Variants in CRYGN observed in about 807,000 individuals in gnomAD.
CRYGN encodes gamma-crystallin N.
In CRYGN, 17 loss-of-function variants were observed where a neutral mutation model predicts 19.2. The ratio of observed to expected loss-of-function variants is 0.89; its 90% confidence interval spans 0.61 to 1.33. The LOEUF is 1.33. Among genes scored for constraint, CRYGN ranks in the 40% most tolerant of loss-of-function variants. CRYGN has a pLI of 0.00. For synonymous variants in CRYGN, 84 were observed against 85.8 expected (o/e 0.98, Z 0.12); for missense variants, 239 against 239.6 (o/e 1.00, Z 0.02).
intron 1 of CRYGN, 128 bp from the exon 2 acceptor site, chr7:151,438,372 G>A (rs1801676785): frequency 3.4e-6 from 3 of 881,784 alleles, no homozygotes; most frequent in Non-Finnish European, 5.1e-6. Flanking sequence ...CAGACCTGCT[G>A]CACACAGTAG....
chr7:151,433,731 A>T lies in CRYGN; in HGVS notation c.416+2449T>A, dbSNP rs1335062064. 5 of 154,794 alleles carry T rather than the reference A, an allele frequency of 3.2e-5. No individual in the cohort carries two copies. The highest frequency in any genetic ancestry group is 7.3e-5 in the Non-Finnish European group (5 of 68,286). The allele number at this position is 154,794 out of a possible 1,614,324, so 9.6% of individuals were successfully genotyped here. A position where few individuals can be genotyped will look rare whatever the true frequency, so the allele number is the denominator to read the frequency against. On this transcript the variant is annotated intron_variant, in intron 3 of 3. Transcript: ENST00000337323. The surrounding 1 kb of genome is among the most constrained non-coding windows in gnomAD (Gnocchi z 5.1). Reference sequence around the variant, plus strand: ...TGGTGGGCAAGAAATGCCCCAAGCCATGTCCTGGGCCACATGAGGGTTCTC... The same window carrying T: ...TGGTGGGCAAGAAATGCCCCAAGCCTTGTCCTGGGCCACATGAGGGTTCTC...
intron 3 of CRYGN, chr7:151,432,164 C>A: frequency 8.1e-7 from 1 of 1,230,536 alleles, no homozygotes; most frequent in Non-Finnish European, 1.0e-6. Context: ...AAGAAGTTGA[C>A]CACCTTGTGG....
Position 151,430,504 on chromosome 7 carries a change from G to A in CRYGN, c.417-324C>T, listed in dbSNP as rs1043623518. 6.6e-6 allele frequency among the ~76,000 whole-genome samples: 1 copy of A among 152,164 alleles called. No homozygotes were observed. Among genetic ancestry groups the A allele is most frequent in the East Asian group, 1.9e-4 (1 of 5,192 alleles). ...ATGGGGAGAGGTTGGAGGACACCCAGGAACGGGACAGCCATCCCCTGGCCC... is the reference window on the plus strand; with the variant it reads ...ATGGGGAGAGGTTGGAGGACACCCAAGAACGGGACAGCCATCCCCTGGCCC... On this transcript the variant is annotated intron_variant, in intron 3 of 3. Transcript: ENST00000337323. The surrounding 1 kb of genome is among the most constrained non-coding windows in gnomAD (Gnocchi z 5.2).
At chr7:151,437,251 G>A (rs1054900958) in intron 2 of CRYGN, among the ~76,000 whole-genome samples, 1 of 152,186 alleles carries the variant, frequency 6.6e-6, no homozygotes, top group Non-Finnish European at 1.5e-5. Context: ...CAGCCCAGGC[G>A]TCGGGGGAGG....
At chr7:151,440,202 G>A (rs918603488), upstream of CRYGN, 12 of 865,578 alleles carry the variant, frequency 1.4e-5, no homozygotes, top group African/African-American at 1.1e-4. Context: ...CCCCTGCCCT[G>A]CCCTGGAGTG....
upstream of CRYGN, chr7:151,440,215 G>A (rs74450697): frequency 2.9e-6 from 2 of 690,960 alleles, no homozygotes; most frequent in Non-Finnish European, 2.1e-6. Context: ...CTGGAGTGGT[G>A]GGGGGAGGAG....
chr7:151,429,897 G>A lies in CRYGN; in HGVS notation c.*151C>T. The A allele has an allele frequency of 1.5e-6, 1 of 682,036 alleles. No homozygotes were observed. The highest frequency in any genetic ancestry group is 2.5e-5 in the East Asian group (1 of 39,734). The allele number at this position is 682,036 out of a possible 1,614,324, so 42.2% of individuals were successfully genotyped here. A position where few individuals can be genotyped will look rare whatever the true frequency, so the allele number is the denominator to read the frequency against. On this transcript the variant is annotated 3_prime_UTR_variant, in exon 4 of 4. Transcript: ENST00000337323. ...AGACAGGGCCCTTGCCATGGGTGGG[G>A]AGGGCCTCCCGCTGGCAGATATGAC...
rs1801493846 is a variant in CRYGN at position 151,432,422 on chromosome 7, C to T, written c.417-2242G>A. On this transcript the variant is annotated intron_variant, in intron 3 of 3. Coordinates refer to ENST00000337323, the MANE Select transcript of CRYGN (RefSeq NM_144727.3). ...CTTCACTCTGGGCTACACGAAGGCA[C>T]CCACGGTGCCTTCCCCAGTGCCCTG... is the stretch of plus-strand genomic sequence containing the variant. The T allele has an allele frequency of 1.6e-5, 7 of 425,058 alleles. No homozygotes were observed. The South Asian group carries it at 7.8e-4, about 47-fold the overall frequency. 26.3% of individuals were successfully genotyped at this position (425,058 alleles called of 1,614,324 possible). A position where few individuals can be genotyped will look rare whatever the true frequency, so the allele number is the denominator to read the frequency against.
At chr7:151,434,844 G>T (rs1487650816) in intron 3 of CRYGN, among the ~76,000 whole-genome samples, 1 of 152,260 alleles carries the variant, frequency 6.6e-6, no homozygotes, top group East Asian at 1.9e-4. Flanking sequence ...GCCATACATT[G>T]TTTCACTTAA....
At position 151,436,360 on chromosome 7, in the gene CRYGN, G is replaced by GCC; in HGVS notation, c.271-36_271-35insGG. ...CAAGCAAAAAAGAAGGAAAGAAGGA[G>GCC]GTTGCTGTGAATTCCCCTCTCCCAG... On this transcript the variant is annotated intron_variant, in intron 2 of 3. Coordinates refer to ENST00000337323, the MANE Select transcript of CRYGN (RefSeq NM_144727.3). This position sits in a 1 kb window ranked among gnomAD's most constrained non-coding sequence, Gnocchi z 5.1. The GCC allele has an allele frequency of 5.7e-6, 8 of 1,397,254 alleles. No homozygotes were observed. The highest frequency in any genetic ancestry group is 1.5e-5 in the South Asian group (1 of 67,828). 86.6% of individuals were successfully genotyped at this position (1,397,254 alleles called of 1,614,324 possible).
chr7:151,430,192 A>T lies in CRYGN; in HGVS notation c.417-12T>A. The T allele has an allele frequency of 6.2e-7, 1 of 1,613,312 alleles. No homozygotes were observed. The highest frequency in any genetic ancestry group is 8.5e-7 in the Non-Finnish European group (1 of 1,179,952). Reference sequence around the variant, plus strand: ...TAGGGCTCCATGCTCTGTGGTTTGCAGGTGAAAGGAGGTGGGGCCAGGGCA... The same window carrying T: ...TAGGGCTCCATGCTCTGTGGTTTGCTGGTGAAAGGAGGTGGGGCCAGGGCA... On this transcript the variant is annotated splice_polypyrimidine_tract_variant and intron_variant, in intron 3 of 3. Transcript: ENST00000337323. The surrounding 1 kb of genome is among the most constrained non-coding windows in gnomAD (Gnocchi z 5.2).
At position 151,435,358 on chromosome 7, in the gene CRYGN, G is replaced by C. The variant is rs182408226; in HGVS notation, c.416+822C>G. On this transcript the variant is annotated intron_variant, in intron 3 of 3. Coordinates refer to ENST00000337323, the MANE Select transcript of CRYGN (RefSeq NM_144727.3). This position sits in a 1 kb window ranked among gnomAD's most constrained non-coding sequence, Gnocchi z 4.2. ...GCCACTCCCACGGGGCGGCCGGGCAGTCAGCCTTCTGAGTCTCAGCTTGCC... is the reference window on the plus strand; with the variant it reads ...GCCACTCCCACGGGGCGGCCGGGCACTCAGCCTTCTGAGTCTCAGCTTGCC... Among the ~76,000 whole-genome samples the C allele has an allele frequency of 1.5e-3, 228 of 152,356 alleles. 3 individuals are homozygous for C. Among genetic ancestry groups the C allele is most frequent in the African/African-American group, 5.0e-3 (209 of 41,572 alleles).
intron 2 of CRYGN, chr7:151,437,770 T>C: frequency 7.4e-7 from 1 of 1,359,256 alleles, no homozygotes; most frequent in Non-Finnish European, 9.7e-7. Flanking sequence ...AGTGGTTTAT[T>C]GATACCTGTA....
At chr7:151,432,415 GA>G in intron 3 of CRYGN, 1 of 449,764 alleles carries the variant, frequency 2.2e-6, no homozygotes, top group Non-Finnish European at 3.6e-6. Flanking sequence ...TGGGCTACAC[GA>G]AGGCACCCAC....
Position 151,432,519 on chromosome 7 carries a change from C to A in CRYGN, c.417-2339G>T, listed in dbSNP as rs982363583. Among the ~76,000 whole-genome samples, 4 of 152,222 alleles carry A rather than the reference C, an allele frequency of 2.6e-5. No homozygotes were observed. In the East Asian group the frequency reaches 7.7e-4, roughly 29 times the overall value. On this transcript the variant is annotated intron_variant, in intron 3 of 3. Transcript: ENST00000337323. ...TGTCCACATTTTAAAACTGACCAGT[C>A]CTGGCCGGGCATGGGGGCTCACGCC...
intron 2 of CRYGN, 44 bp downstream of exon 2, chr7:151,437,952 C>T (rs377649778): frequency 8.7e-6 from 14 of 1,606,772 alleles, no homozygotes; most frequent in African/African-American, 5.3e-5. Context: ...ACCCTCGGTC[C>T]CTCCAGCAGG....
intron 3 of CRYGN, chr7:151,432,220 C>T (rs1801487080): frequency 2.4e-6 from 3 of 1,232,190 alleles, no homozygotes; most frequent in Non-Finnish European, 2.0e-6. Flanking sequence ...CGAGAAGCTG[C>T]GGAAGTCGCC....
chr7:151,436,421 A>G lies in CRYGN; in HGVS notation c.271-96T>C. On this transcript the variant is annotated intron_variant, in intron 2 of 3. Transcript: ENST00000337323. The surrounding 1 kb of genome is among the most constrained non-coding windows in gnomAD (Gnocchi z 5.1). The stretch of plus-strand genomic sequence containing the variant: ...CCCATGCAGGAAGGAATTAGGAGGT[A>G]CCCAAGGCACTGGGCACCCCCACCC... The G allele has an allele frequency of 1.7e-6, 2 of 1,198,770 alleles. No individual in the cohort carries two copies. Among genetic ancestry groups the G allele is most frequent in the Non-Finnish European group, 2.3e-6 (2 of 886,730 alleles). The allele number at this position is 1,198,770 out of a possible 1,614,324, so 74.3% of individuals were successfully genotyped here. A position where few individuals can be genotyped will look rare whatever the true frequency, so the allele number is the denominator to read the frequency against.
At chr7:151,439,767 T>G in intron 1 of CRYGN, 130 bp downstream of exon 1, 1 of 1,050,242 alleles carries the variant, frequency 9.5e-7, no homozygotes, top group South Asian at 1.8e-5. Flanking sequence ...CCACCCCATT[T>G]TATTAAGAAA....
Sources: allele counts gnomAD v4.1 joint callset (sites outside exome capture counted in the v4.1 genomes callset), GRCh38; gene constraint gnomAD v4.1.1; non-coding constraint Gnocchi (gnomAD v3.1); transcripts MANE v1.5; gene names NCBI Gene and HGNC (gene_info 2026-07-23, HGNC 2026-07-21).